BMPR1B: variants seen among roughly 807,000 people sequenced by gnomAD.
BMPR1B encodes the protein bone morphogenetic protein receptor type-1B.
BMPR1B carries 12 observed loss-of-function variants against 59.1 expected under a neutral mutation model. The observed-to-expected ratio is 0.20, with a 90% confidence interval of 0.13 to 0.33. The LOEUF is 0.33. BMPR1B is among the 10% of genes least tolerant of loss of function. The pLI, the probability that BMPR1B is intolerant of heterozygous loss-of-function variation, is 1.00. For synonymous variants in BMPR1B, 237 were observed against 207.3 expected (o/e 1.14, Z -1.23); for missense variants, 550 against 610.9 (o/e 0.90, Z 1.05).
chr4:94,875,847 C>T lies in BMPR1B; in HGVS notation c.-166C>T, dbSNP rs1395582203. The T allele has an allele frequency of 1.3e-5, 2 of 152,632 alleles. No homozygotes were observed. Among genetic ancestry groups the T allele is most frequent in the African/African-American group, 2.4e-5 (1 of 41,454 alleles). 9.5% of individuals were successfully genotyped at this position (152,632 alleles called of 1,614,324 possible). The stretch of plus-strand genomic sequence containing the variant: ...TGTTGACAGGGTGGAGTTCAGCCTA[C>T]TCTTTCTTAGATGTGAAAGGAAAGG... On this transcript the variant is annotated 5_prime_UTR_variant, in exon 2 of 13. Coordinates refer to ENST00000515059, the MANE Select transcript of BMPR1B (RefSeq NM_001203.3).
At position 95,099,594 on chromosome 4, in the gene BMPR1B, T is replaced by C. The variant is rs191478259; in HGVS notation, c.-17-4814T>C. Reference sequence around the variant, plus strand: ...ATCCTTCTATACATCTCTCTCTGTTTCACGCGCGCACACGCACACACACGC... The same window carrying C: ...ATCCTTCTATACATCTCTCTCTGTTCCACGCGCGCACACGCACACACACGC... On this transcript the variant is annotated intron_variant, in intron 3 of 12. Coordinates refer to ENST00000515059, the MANE Select transcript of BMPR1B (RefSeq NM_001203.3). 4.7e-4 allele frequency among the ~76,000 whole-genome samples: 71 copies of C among 151,746 alleles called. 2 individuals carry two copies. Among genetic ancestry groups the C allele is most frequent in the Non-Finnish European group, 1.3e-4 (9 of 68,002 alleles).
At chr4:95,059,915 G>C (rs1398322342) in intron 3 of BMPR1B, among the ~76,000 whole-genome samples, 1 of 152,140 alleles carries the variant, frequency 6.6e-6, no homozygotes, top group Non-Finnish European at 1.5e-5. Context: ...AGGATCAGGT[G>C]CTTTTCTGCC....
At chr4:94,890,082 G>T (rs1727331227) in intron 2 of BMPR1B, among the ~76,000 whole-genome samples, 1 of 152,048 alleles carries the variant, frequency 6.6e-6, no homozygotes, top group Non-Finnish European at 1.5e-5. Context: ...CTGTCTTCGT[G>T]AATAGAGCCT....
At chr4:94,960,793 C>A (rs1730324940) in intron 2 of BMPR1B, among the ~76,000 whole-genome samples, 2 of 151,868 alleles carry the variant, frequency 1.3e-5, no homozygotes, top group African/African-American at 2.4e-5. Context: ...TACTTTGAAA[C>A]AAGTGTGATC....
chr4:95,045,969 T>G (rs1726021595), intron 3 of BMPR1B, among the ~76,000 whole-genome samples: 1 of 152,236 alleles, frequency 6.6e-6, no homozygotes, highest in Admixed American at 6.5e-5. Context: ...CAAGGTAGTC[T>G]CAATTTAAAA....
chr4:94,936,761 C>T (rs1214511116), intron 2 of BMPR1B, among the ~76,000 whole-genome samples: 1 of 152,098 alleles, frequency 6.6e-6, no homozygotes, highest in Non-Finnish European at 1.5e-5. Flanking sequence ...TGATGTTGCT[C>T]AGTCCTTCCC....
chr4:94,780,863 T>C (rs1235511211), intron 1 of BMPR1B, among the ~76,000 whole-genome samples: 1 of 151,876 alleles, frequency 6.6e-6, no homozygotes, highest in African/African-American at 2.4e-5. Context: ...TAATTTTTTG[T>C]ATTTTTAGTA....
In BMPR1B at chr4:94,862,875, G is replaced by T. The variant is rs183803175; in HGVS notation, c.-182-12956G>T. On this transcript the variant is annotated intron_variant, in intron 1 of 12. Transcript: ENST00000515059. ...CAGGAGAATGGCGTCAACCCGGGAG[G>T]TGGAGCTTGCAGTGAGCCGAGATCG... 6.7e-3 allele frequency among the ~76,000 whole-genome samples: 1,014 copies of T among 151,528 alleles called. 10 individuals are homozygous for T. Among genetic ancestry groups the T allele is most frequent in the Non-Finnish European group, 9.4e-3 (635 of 67,880 alleles).
In BMPR1B at chr4:94,838,666, C is replaced by T. The variant is rs1162306446; in HGVS notation, c.-182-37165C>T. ...CTTCTCTCTTTTTTTCTTTATTAGT[C>T]TTACTAGCGGTCTATCAATTTTGTT... On this transcript the variant is annotated intron_variant, in intron 1 of 12. Transcript: ENST00000515059. 1.2e-4 allele frequency among the ~76,000 whole-genome samples: 17 copies of T among 141,540 alleles called. 1 individual carries two copies. Among genetic ancestry groups the T allele is most frequent in the African/African-American group, 4.5e-4 (17 of 37,472 alleles). The allele number at this position is 141,540 out of a possible 152,430, so 92.9% of individuals were successfully genotyped here. A position where few individuals can be genotyped will look rare whatever the true frequency, so the allele number is the denominator to read the frequency against.
At chr4:94,890,857 G>A (rs1322467416) in intron 2 of BMPR1B, among the ~76,000 whole-genome samples, 1 of 151,962 alleles carries the variant, frequency 6.6e-6, no homozygotes, top group East Asian at 1.9e-4. Flanking sequence ...CCATTTCTGA[G>A]TACCATCACA....
intron 2 of BMPR1B, among the ~76,000 whole-genome samples, chr4:94,976,138 G>A (rs1731024467): frequency 6.6e-6 from 1 of 152,130 alleles, no homozygotes; most frequent in Non-Finnish European, 1.5e-5. Flanking sequence ...ATAACCTCAG[G>A]GTCTGGCCGT....
intron 3 of BMPR1B, among the ~76,000 whole-genome samples, chr4:95,026,141 T>TCTTTCTTTCTTTCTTC: frequency 6.7e-6 from 1 of 149,814 alleles, no homozygotes; most frequent in African/African-American, 2.5e-5. Flanking sequence ...TTTCTTTCTT[T>TCTTTCTTTCTTTCTTC]CTTTCTTTCT....
chr4:94,963,247 C>A (rs1018788488), intron 2 of BMPR1B, among the ~76,000 whole-genome samples: 2 of 151,692 alleles, frequency 1.3e-5, no homozygotes, highest in Admixed American at 6.6e-5. Context: ...GTTATTAATC[C>A]CTTGTCAGAT....
At chr4:95,087,552 G>A (rs543118413) in intron 3 of BMPR1B, among the ~76,000 whole-genome samples, 2 of 152,098 alleles carry the variant, frequency 1.3e-5, no homozygotes, top group South Asian at 2.1e-4. Context: ...ACAACATGGC[G>A]AAATGCCGTC....
intron 2 of BMPR1B, among the ~76,000 whole-genome samples, chr4:94,939,226 A>G (rs945908169): frequency 1.3e-5 from 2 of 152,142 alleles, no homozygotes; most frequent in Admixed American, 1.3e-4. Flanking sequence ...GAGATTCTGT[A>G]TGTAATTAAA....
intron 2 of BMPR1B, among the ~76,000 whole-genome samples, chr4:94,883,406 A>G (rs897765138): frequency 7.9e-5 from 12 of 152,184 alleles, no homozygotes; most frequent in Admixed American, 3.9e-4. Context: ...TCTCTCTGCT[A>G]CTAATCAGAT....
chr4:95,149,851 T>C (rs1734912254), intron 11 of BMPR1B, among the ~76,000 whole-genome samples: 1 of 152,234 alleles, frequency 6.6e-6, no homozygotes, highest in Admixed American at 6.5e-5. Flanking sequence ...TTATAAACTT[T>C]TCTTTGTTTC....
intron 6 of BMPR1B, among the ~76,000 whole-genome samples, chr4:95,122,892 CT>C (rs1732630707): frequency 6.6e-6 from 1 of 152,106 alleles, no homozygotes; most frequent in Admixed American, 6.6e-5. Context: ...ACAGTAATCA[CT>C]CTCTCAAAGG....
intron 1 of BMPR1B, among the ~76,000 whole-genome samples, chr4:94,868,633 G>A (rs1726353221): frequency 6.6e-6 from 1 of 152,190 alleles, no homozygotes; most frequent in Non-Finnish European, 1.5e-5. Context: ...TTGGACAGTT[G>A]GATCTGAGGG....
Sources: allele counts gnomAD v4.1 joint callset (sites outside exome capture counted in the v4.1 genomes callset), GRCh38; gene constraint gnomAD v4.1.1; transcripts MANE v1.5; gene names NCBI Gene and HGNC (gene_info 2026-07-23, HGNC 2026-07-21).